The following SNX29 variants were observed in gnomAD, a reference collection of about 807,000 sequenced individuals.
SNX29 encodes the protein sorting nexin-29.
A neutral mutation model predicts 102.1 loss-of-function variants in SNX29; 78 were observed. That is an observed-to-expected ratio of 0.76 (90% CI 0.64 to 0.92). The LOEUF (loss-of-function observed/expected upper bound fraction) is 0.92, where lower values mean the gene tolerates loss of function less well. Among genes scored for constraint, SNX29 ranks in the 40% least tolerant of loss-of-function variants. The pLI, the probability that SNX29 is intolerant of heterozygous loss-of-function variation, is 0.00. For synonymous variants in SNX29, 580 were observed against 414.5 expected, an observed-to-expected ratio of 1.40 and a Z score of -4.85; for missense variants, 1,280 against 1,061.7, an observed-to-expected ratio of 1.21 and a Z score of -2.86.
intron 20 of SNX29, among the ~76,000 whole-genome samples, chr16:12,528,052 C>T (rs12927840): frequency 0.24 from 36,923 of 151,530 alleles, 4,917 homozygotes; most frequent in East Asian, 0.58. Context: ...GTCTCGATCT[C>T]CTGACCCCGT....
At position 12,181,915 on chromosome 16, in the gene SNX29, ACT is replaced by A. The variant is rs891462751; in HGVS notation, c.1596-17683_1596-17682del. Among the ~76,000 whole-genome samples the A allele has an allele frequency of 5.6e-5, 8 of 143,088 alleles. No individual in the cohort carries two copies. The Admixed American group carries it at 5.8e-4, about 10-fold the overall frequency. The allele number at this position is 143,088 out of a possible 152,430, so 93.9% of individuals were successfully genotyped here. ...TTTTTTTTTCTGGAGACGGAGTCTCACTCTGTCACGCAGGCTGAAGTGCAGTG... is the reference window on the plus strand; with the variant it reads ...TTTTTTTTTCTGGAGACGGAGTCTCACTGTCACGCAGGCTGAAGTGCAGTG... On this transcript the variant is annotated intron_variant, in intron 13 of 20. Transcript: ENST00000566228.
intron 19 of SNX29, among the ~76,000 whole-genome samples, chr16:12,506,762 C>T (rs75091361): frequency 6.6e-6 from 1 of 152,186 alleles, no homozygotes; most frequent in African/African-American, 2.4e-5. Context: ...AAGAAGACAG[C>T]TGAGGAGGTG....
intron 8 of SNX29, among the ~76,000 whole-genome samples, chr16:12,060,594 C>A (rs763687613): frequency 1.8e-4 from 27 of 152,182 alleles, no homozygotes; most frequent in African/African-American, 6.5e-4. Context: ...CAGAGCAAGA[C>A]TCCAACTCTA....
At chr16:12,501,381 G>A (rs1054380718) in intron 19 of SNX29, among the ~76,000 whole-genome samples, 1 of 152,056 alleles carries the variant, frequency 6.6e-6, no homozygotes, top group Non-Finnish European at 1.5e-5. Context: ...TCCAGCCTGG[G>A]TGACAGAGTG....
At chr16:12,312,952 G>T (rs1408410296) in intron 15 of SNX29, among the ~76,000 whole-genome samples, 1 of 152,004 alleles carries the variant, frequency 6.6e-6, no homozygotes, top group African/African-American at 2.4e-5. Flanking sequence ...CGAGTCAGGG[G>T]GATCTGGCTT....
Position 12,014,935 on chromosome 16 carries a change from G to T in SNX29, c.122+11892G>T, listed in dbSNP as rs116824250. 3.5e-3 allele frequency among the ~76,000 whole-genome samples: 530 copies of T among 152,128 alleles called. 4 individuals are homozygous for T. Among genetic ancestry groups the T allele is most frequent in the African/African-American group, 0.012 (513 of 41,484 alleles). On this transcript the variant is annotated intron_variant, in intron 3 of 20. Coordinates refer to ENST00000566228, the MANE Select transcript of SNX29 (RefSeq NM_032167.5). ...CCTTGTGAGTTATCACTGTTGCAAA[G>T]CATGAATTTTTTTCTTTTTACTTTT...
In SNX29 at chr16:12,571,508, A is replaced by G. The variant is rs1482970875; in HGVS notation, c.*2879A>G. On this transcript the variant is annotated 3_prime_UTR_variant, in exon 21 of 21. Transcript: ENST00000566228. ...GAGGAACGAGGGTGGCCCACCTCTC[A>G]AGGGCCTTGGATTCCTGGGACCACC... 1 of 581,436 alleles carries G rather than the reference A, an allele frequency of 1.7e-6. No individual in the cohort carries two copies. The highest frequency in any genetic ancestry group is 5.5e-5 in the Admixed American group (1 of 18,120). 36.0% of individuals were successfully genotyped at this position (581,436 alleles called of 1,614,324 possible).
chr16:12,203,709 A>G (rs1167593947), intron 14 of SNX29, among the ~76,000 whole-genome samples: 1 of 152,200 alleles, frequency 6.6e-6, no homozygotes, highest in Non-Finnish European at 1.5e-5. Flanking sequence ...CTGTAAGACA[A>G]CCATCCTAGG....
chr16:12,390,184 GTA>G, intron 16 of SNX29, among the ~76,000 whole-genome samples: 3 of 149,238 alleles, frequency 2.0e-5, no homozygotes, highest in South Asian at 2.1e-4. Flanking sequence ...GTGTGTGTAT[GTA>G]TATGTATATG....
At chr16:12,559,878 C>G (rs1389655305) in intron 20 of SNX29, among the ~76,000 whole-genome samples, 1 of 152,112 alleles carries the variant, frequency 6.6e-6, no homozygotes, top group Admixed American at 6.5e-5. Flanking sequence ...ATTTCAGAGG[C>G]TGAGGCAGGA....
intron 14 of SNX29, among the ~76,000 whole-genome samples, chr16:12,255,999 T>C (rs1021620527): frequency 3.9e-5 from 6 of 152,226 alleles, no homozygotes; most frequent in Non-Finnish European, 7.3e-5. Context: ...CTACCCACAG[T>C]GTACAAGGGT....
intron 3 of SNX29, among the ~76,000 whole-genome samples, chr16:12,018,894 A>T (rs559225077): frequency 1.7e-3 from 251 of 151,942 alleles, no homozygotes; most frequent in African/African-American, 5.7e-3. Context: ...GGCCTGGGGT[A>T]TATTATCTTT....
intron 13 of SNX29, among the ~76,000 whole-genome samples, chr16:12,197,244 C>T (rs886806231): frequency 7.9e-5 from 12 of 152,154 alleles, no homozygotes; most frequent in African/African-American, 2.6e-4. Context: ...CTGGGCTGGG[C>T]AATGAGGCTC....
chr16:12,444,846 T>TTG (rs1555539560), intron 18 of SNX29, among the ~76,000 whole-genome samples: 3 of 149,666 alleles, frequency 2.0e-5, no homozygotes, highest in East Asian at 1.9e-4. Flanking sequence ...TTTTTTGTTT[T>TTG]TTTTTTTTTT....
At chr16:12,402,303 A>G (rs1414242212) in intron 17 of SNX29, among the ~76,000 whole-genome samples, 1 of 152,236 alleles carries the variant, frequency 6.6e-6, no homozygotes, top group Non-Finnish European at 1.5e-5. Flanking sequence ...TCTTTACTCT[A>G]GAGGTTGTGA....
At chr16:12,528,748 C>A (rs1157622962) in intron 20 of SNX29, among the ~76,000 whole-genome samples, 4 of 152,252 alleles carry the variant, frequency 2.6e-5, no homozygotes, top group Non-Finnish European at 5.9e-5. Context: ...CCATTTGAAT[C>A]TGTGGACATC....
At chr16:12,426,448 A>G (rs1358983375) in intron 18 of SNX29, among the ~76,000 whole-genome samples, 1 of 152,218 alleles carries the variant, frequency 6.6e-6, no homozygotes, top group Non-Finnish European at 1.5e-5. Context: ...TGAGCCGGAA[A>G]GTATAATCCT....
chr16:12,555,613 G>A (rs749123701), intron 20 of SNX29, among the ~76,000 whole-genome samples: 2 of 151,664 alleles, frequency 1.3e-5, no homozygotes, highest in Non-Finnish European at 2.9e-5. Flanking sequence ...CCTTAGTCCA[G>A]TGTGCATGCC....
At chr16:12,090,522 T>A (rs1596844648) in intron 11 of SNX29, among the ~76,000 whole-genome samples, 1 of 152,102 alleles carries the variant, frequency 6.6e-6, no homozygotes, top group Non-Finnish European at 1.5e-5. Flanking sequence ...TTTAAGCCCA[T>A]TTGGTAGCTC....
Sources: gnomAD v4.1 joint callset for allele counts (sites outside exome capture counted in the v4.1 genomes callset) on GRCh38, gnomAD v4.1.1 for gene constraint, MANE v1.5 for transcripts, NCBI Gene and HGNC (gene_info 2026-07-23, HGNC 2026-07-21) for gene names.